The following PTPRT variants were observed in gnomAD, a reference collection of about 807,000 sequenced individuals.
The protein encoded by PTPRT is protein tyrosine phosphatase receptor type T.
A neutral mutation model predicts 176.8 loss-of-function variants in PTPRT; 56 were observed. The observed-to-expected ratio is 0.32, with a 90% CI of 0.26 to 0.40. The LOEUF is 0.40. Ranked by LOEUF, PTPRT falls within the 10% of genes least tolerant of loss-of-function variation. The pLI is 1.00. For missense variants in PTPRT, 1,540 were observed against 1,908.2 expected (o/e 0.81, Z 3.60); for synonymous variants, 783 against 739.0 (o/e 1.06, Z -0.96).
intron 17 of PTPRT, among the ~76,000 whole-genome samples, chr20:42,148,683 T>C (rs1287377076): frequency 2.0e-5 from 3 of 152,086 alleles, no homozygotes; most frequent in East Asian, 1.9e-4. Context: ...ACGTGGACAA[T>C]TGCACGGAAG....
At chr20:42,896,299 C>T (rs1307783269) in intron 1 of PTPRT, among the ~76,000 whole-genome samples, 1 of 151,882 alleles carries the variant, frequency 6.6e-6, no homozygotes, top group Non-Finnish European at 1.5e-5. Flanking sequence ...ATTTGGAGCG[C>T]CCCTTGCAAG....
intron 1 of PTPRT, among the ~76,000 whole-genome samples, chr20:42,916,666 G>A (rs376014601): frequency 1.3e-5 from 2 of 152,190 alleles, no homozygotes; most frequent in Admixed American, 6.5e-5. Flanking sequence ...TCTAACTGGT[G>A]TGAGATGGTA....
intron 2 of PTPRT, among the ~76,000 whole-genome samples, chr20:42,804,381 T>A (rs1428683147): frequency 6.6e-6 from 1 of 152,150 alleles, no homozygotes; most frequent in African/African-American, 2.4e-5. Flanking sequence ...CCCTTCCTCT[T>A]GCTGCTGTCC....
chr20:42,344,063 C>G (rs140603770), intron 11 of PTPRT, among the ~76,000 whole-genome samples: 11 of 152,294 alleles, frequency 7.2e-5, no homozygotes, highest in Non-Finnish European at 1.5e-4. Context: ...CCACACCCAA[C>G]GCATTTTTGT....
At chr20:42,594,899 A>C (rs2073644058) in intron 7 of PTPRT, among the ~76,000 whole-genome samples, 1 of 152,182 alleles carries the variant, frequency 6.6e-6, no homozygotes, top group Non-Finnish European at 1.5e-5. Context: ...TTGGTGTATG[A>C]CGTGGGAACC....
At position 42,267,521 on chromosome 20, in the gene PTPRT, T is replaced by A. The variant is rs893180443; in HGVS notation, c.2176+14968A>T. Among the ~76,000 whole-genome samples, 4 of 152,342 alleles carry A rather than the reference T, an allele frequency of 2.6e-5. No individual in the cohort carries two copies. In the East Asian group the frequency reaches 7.7e-4, roughly 29 times the overall value. On this transcript the variant is annotated intron_variant, in intron 13 of 30. Coordinates refer to ENST00000373187, the MANE Select transcript of PTPRT (RefSeq NM_007050.6). ...TTACATACAATATTCAAATTCTATT[T>A]CTATTAAACAGTATGGCTCTGGAGG...
intron 13 of PTPRT, among the ~76,000 whole-genome samples, chr20:42,260,361 T>G (rs2056727741): frequency 6.6e-6 from 1 of 152,196 alleles, no homozygotes; most frequent in Non-Finnish European, 1.5e-5. Flanking sequence ...GAATCTGTGC[T>G]TTGAGCCTGG....
intron 6 of PTPRT, among the ~76,000 whole-genome samples, chr20:42,706,345 T>C (rs915667530): frequency 1.3e-5 from 2 of 152,098 alleles, no homozygotes; most frequent in African/African-American, 2.4e-5. Flanking sequence ...AATCTCTGAA[T>C]TGGCTCATCT....
At chr20:42,879,395 G>C (rs972609234) in intron 2 of PTPRT, among the ~76,000 whole-genome samples, 24 of 152,156 alleles carry the variant, frequency 1.6e-4, no homozygotes, top group Admixed American at 1.4e-3. Flanking sequence ...ACTGCCATCT[G>C]CATGTGGCCT....
At chr20:42,943,177 G>A (rs1348203636) in intron 1 of PTPRT, among the ~76,000 whole-genome samples, 2 of 152,224 alleles carry the variant, frequency 1.3e-5, no homozygotes, top group Non-Finnish European at 2.9e-5. Context: ...CAGGCAGACA[G>A]AAGCCGAGTT....
intron 12 of PTPRT, among the ~76,000 whole-genome samples, chr20:42,298,720 AG>A (rs2057420229): frequency 6.6e-6 from 1 of 152,170 alleles, no homozygotes. Flanking sequence ...CAGGAGATAG[AG>A]ACCATCCTGG....
intron 1 of PTPRT, among the ~76,000 whole-genome samples, chr20:42,983,409 C>G (rs903745464): frequency 6.6e-6 from 1 of 152,086 alleles, no homozygotes; most frequent in African/African-American, 2.4e-5. Context: ...CTTAATCAAC[C>G]CCAGGAAGCT....
At chr20:42,658,344 T>C (rs2075163218) in intron 7 of PTPRT, among the ~76,000 whole-genome samples, 2 of 152,222 alleles carry the variant, frequency 1.3e-5, no homozygotes, top group African/African-American at 2.4e-5. Context: ...GCTCATTTAA[T>C]ATACCTATTT....
Position 42,323,906 on chromosome 20 carries a change from A to C in PTPRT, c.1866-7910T>G, listed in dbSNP as rs867995538. On this transcript the variant is annotated intron_variant, in intron 11 of 30. Transcript: ENST00000373187. ...AGAATGTGGAAAAACTGGAACCATC[A>C]TACATTGCTGTTGGAAAGGTAAAAT... 6.6e-5 allele frequency among the ~76,000 whole-genome samples: 10 copies of C among 152,358 alleles called. No individual in the cohort carries two copies. In the South Asian group the frequency reaches 2.1e-3, roughly 32 times the overall value.
At chr20:42,896,635 C>CAA (rs58679220) in intron 1 of PTPRT, among the ~76,000 whole-genome samples, 771 of 72,236 alleles carry the variant, frequency 0.011, 10 homozygotes, top group African/African-American at 0.032. Context: ...AACTCCGTCT[C>CAA]AAAAAAAAAA....
intron 7 of PTPRT, among the ~76,000 whole-genome samples, chr20:42,563,235 T>C (rs2072982538): frequency 6.6e-6 from 1 of 151,964 alleles, no homozygotes; most frequent in Admixed American, 6.6e-5. Context: ...AAGAAAAAAA[T>C]GCATAAAGAA....
chr20:42,183,002 A>G (rs780129221), intron 16 of PTPRT, among the ~76,000 whole-genome samples: 2 of 151,798 alleles, frequency 1.3e-5, no homozygotes, highest in African/African-American at 4.8e-5. Flanking sequence ...GAAGTCTGAT[A>G]TAGGCAGAAA....
chr20:42,956,383 G>A (rs547316458), intron 1 of PTPRT, among the ~76,000 whole-genome samples: 1 of 151,936 alleles, frequency 6.6e-6, no homozygotes, highest in African/African-American at 2.4e-5. Context: ...AAAGTTTGTG[G>A]CACCTCCCCC....
intron 2 of PTPRT, among the ~76,000 whole-genome samples, chr20:42,846,149 G>GATAA (rs2078367087): frequency 6.6e-6 from 1 of 152,124 alleles, no homozygotes; most frequent in Admixed American, 6.5e-5. Flanking sequence ...CTCCTACTTT[G>GATAA]ATAAGGTCAC....
Sources: gnomAD v4.1 joint callset for allele counts (sites outside exome capture counted in the v4.1 genomes callset) on GRCh38, gnomAD v4.1.1 for gene constraint, MANE v1.5 for transcripts, NCBI Gene and HGNC (gene_info 2026-07-23, HGNC 2026-07-21) for gene names.